The following ZKSCAN1 variants were observed in gnomAD, a reference collection of about 807,000 sequenced individuals.
The protein encoded by ZKSCAN1 is zinc finger with KRAB and SCAN domains 1, also known as zinc finger protein with KRAB and SCAN domains 1.
ZKSCAN1 carries 14 observed loss-of-function variants against 51.6 expected under a neutral mutation model. That is an observed-to-expected ratio of 0.27 (90% CI 0.18 to 0.42). The LOEUF is 0.42. Among genes scored for constraint, ZKSCAN1 ranks in the 10% least tolerant of loss-of-function variants. The pLI is 1.00. For missense variants in ZKSCAN1, 531 were observed against 710.0 expected (o/e 0.75, Z 2.86); for synonymous variants, 263 against 261.5 (o/e 1.01, Z -0.06).
chr7:100,028,537 C>A (rs1318209212), intron 3 of ZKSCAN1, among the ~76,000 whole-genome samples: 1 of 152,060 alleles, frequency 6.6e-6, no homozygotes. Flanking sequence ...GAAATAGGTA[C>A]AAGGTTTGGT....
At position 100,037,520 on chromosome 7, in the gene ZKSCAN1, A is replaced by G. The variant is rs1426841433; in HGVS notation, c.*3323A>G. ...ATAGACATCAGAGAATTTATTCCAG[A>G]AAGGAGCCTCCTGAATGTGATGAAT... On this transcript the variant is annotated 3_prime_UTR_variant, in exon 6 of 6. Transcript: ENST00000324306. 1 of 985,358 alleles carries G rather than the reference A, an allele frequency of 1.0e-6. No individual in the cohort carries two copies. Among genetic ancestry groups the G allele is most frequent in the Non-Finnish European group, 1.2e-6 (1 of 829,940 alleles). 61.0% of individuals were successfully genotyped at this position (985,358 alleles called of 1,614,324 possible).
At position 100,023,914 on chromosome 7, in the gene ZKSCAN1, T is replaced by C; in HGVS notation, c.408T>C (p.Leu136=). The stretch of plus-strand genomic sequence containing the variant: ...TGACCCTTCTAGAAGACTTGGAGCT[T>C]GATTTATCAGGACAACAGGTAAAAA... ...EAVTLLEDLE[L]DLSGQQVPGQ... is the part of the protein sequence containing the mutation. Residue 136 remains leucine, a synonymous_variant, in exon 2 of 6, where the codon CTT becomes CTC. Transcript: ENST00000324306. 6 of 1,594,784 alleles carry C rather than the reference T, an allele frequency of 3.8e-6. No homozygotes were observed. Among genetic ancestry groups the C allele is most frequent in the Non-Finnish European group, 5.1e-6 (6 of 1,173,858 alleles).
rs774585549 is a variant in ZKSCAN1, at chr7:100,023,850, G to C, written c.344G>C (p.Trp115Ser). Reference sequence around the variant, plus strand: ...ATCCTGCCCAAGGAGCTCCAGGTCTGGCTGCAGGAATACCGCCCCGATAGT... The same window carrying C: ...ATCCTGCCCAAGGAGCTCCAGGTCTCGCTGCAGGAATACCGCCCCGATAGT... ...LSILPKELQV[W>S]LQEYRPDSGE... The change falls in exon 2 of 6, where the codon TGG becomes TCG. Residue 115 changes from tryptophan (W) to serine (S), a missense_variant. Transcript: ENST00000324306. 1 of 1,614,006 alleles carries C rather than the reference G, an allele frequency of 6.2e-7. No individual in the cohort carries two copies. The highest frequency in any genetic ancestry group is 8.5e-7 in the Non-Finnish European group (1 of 1,180,038).
rs1791308533 is a variant in ZKSCAN1 at position 100,035,324 on chromosome 7, A to G, written c.*1127A>G. The G allele has an allele frequency of 6.6e-6, 1 of 152,238 alleles. No individual in the cohort carries two copies. The highest frequency in any genetic ancestry group is 1.5e-5 in the Non-Finnish European group (1 of 68,038). The allele number at this position is 152,238 out of a possible 1,614,324, so 9.4% of individuals were successfully genotyped here. On this transcript the variant is annotated 3_prime_UTR_variant, in exon 6 of 6. Transcript: ENST00000324306. ...CGAAAGGCACTAGTCAGCCGCCTGC[A>G]TAGACTTTCTAAACAGTGAGTAAAT...
intron 3 of ZKSCAN1, among the ~76,000 whole-genome samples, chr7:100,025,219 T>C (rs144814130): frequency 4.7e-4 from 71 of 151,692 alleles, no homozygotes; most frequent in African/African-American, 1.4e-3. Flanking sequence ...TCATGAATTA[T>C]CTTCAAAAGG....
In ZKSCAN1 at chr7:100,035,785, T is replaced by C; in HGVS notation, c.*1588T>C. The C allele has an allele frequency of 6.3e-6, 6 of 954,254 alleles. No individual in the cohort carries two copies. The highest frequency in any genetic ancestry group is 5.4e-4 in the Middle Eastern group (1 of 1,860). 59.1% of individuals were successfully genotyped at this position (954,254 alleles called of 1,614,324 possible). Reference sequence around the variant, plus strand: ...GGTTATGAAACTTTCATTGGTCCCATCGTTGTGCGCAGGGTGCAACTGGCT... The same window carrying C: ...GGTTATGAAACTTTCATTGGTCCCACCGTTGTGCGCAGGGTGCAACTGGCT... On this transcript the variant is annotated 3_prime_UTR_variant, in exon 6 of 6. Coordinates refer to ENST00000324306, the MANE Select transcript of ZKSCAN1 (RefSeq NM_003439.4).
rs1325667600 is a variant in ZKSCAN1 at position 100,040,293 on chromosome 7, T to G, written c.*6096T>G. 1.0e-6 allele frequency: 1 copy of G among 985,292 alleles called. No homozygotes were observed. Among genetic ancestry groups the G allele is most frequent in the Admixed American group, 6.2e-5 (1 of 16,250 alleles). The allele number at this position is 985,292 out of a possible 1,614,324, so 61.0% of individuals were successfully genotyped here. On this transcript the variant is annotated 3_prime_UTR_variant, in exon 6 of 6. Coordinates refer to ENST00000324306, the MANE Select transcript of ZKSCAN1 (RefSeq NM_003439.4). ...TTACCCTAAAACAGTGGAAGGAAAC[T>G]GGGTGTTTGGTAGACTTCTAAATCA...
chr7:100,018,155 T>TG (rs1461053376), intron 1 of ZKSCAN1, among the ~76,000 whole-genome samples: 2 of 152,068 alleles, frequency 1.3e-5, no homozygotes, highest in Non-Finnish European at 1.5e-5. Context: ...TAGTAAGGGG[T>TG]GGAGCAGCTT....
chr7:100,033,484 A>C lies in ZKSCAN1; in HGVS notation c.979A>C (p.Lys327Gln), dbSNP rs774938817. 7 of 1,614,028 alleles carry C rather than the reference A, an allele frequency of 4.3e-6. No individual in the cohort carries two copies. In the Admixed American group the frequency reaches 1.2e-4, roughly 27 times the overall value. The change falls in exon 6 of 6, where the codon AAA (lysine) becomes CAA (glutamine). Residue 327 changes from lysine to glutamine, a missense_variant. Physicochemically the swap from Lys to Gln is moderately conservative, Grantham distance 53 (BLOSUM62 1). This residue lies in a region of ZKSCAN1 where 403 missense variants were observed against 490.5 expected (regional missense o/e 0.82). Transcript: ENST00000324306. This position sits in a 1 kb window ranked among gnomAD's most constrained non-coding sequence, Gnocchi z 4.1. ...CCCTGAGGAGAAAACCAGGAAAGAG[A>C]AAAGAGATTCAGGGCCAGCTATAGG... Reference protein sequence around the residue: ...KNPEEKTRKEKRDSGPAIGKD... With the variant: ...KNPEEKTRKEQRDSGPAIGKD...
rs577199858 is a variant in ZKSCAN1, at chr7:100,040,238, C to A, written c.*6041C>A. On this transcript the variant is annotated 3_prime_UTR_variant, in exon 6 of 6. Transcript: ENST00000324306. ...CATGATGTGTGGTTCCATTTAATAG[C>A]GGACACCACCCCAATCTCATGTTTT... 1 of 985,322 alleles carries A rather than the reference C, an allele frequency of 1.0e-6. No homozygotes were observed. Among genetic ancestry groups the A allele is most frequent in the Non-Finnish European group, 1.2e-6 (1 of 829,906 alleles). 61.0% of individuals were successfully genotyped at this position (985,322 alleles called of 1,614,324 possible).
In ZKSCAN1 at chr7:100,037,480, C is replaced by T. The variant is rs3800955; in HGVS notation, c.*3283C>T. On this transcript the variant is annotated 3_prime_UTR_variant, in exon 6 of 6. Coordinates refer to ENST00000324306, the MANE Select transcript of ZKSCAN1 (RefSeq NM_003439.4). ...TGTATAGAGAGGTTGACGTGTGATA[C>T]GTGGGACAGTTCACATAGACATCAG... 767 of 985,430 alleles carry T rather than the reference C, an allele frequency of 7.8e-4. 22 individuals carry two copies. The East Asian group carries it at 0.056, about 72-fold the overall frequency. 61.0% of individuals were successfully genotyped at this position (985,430 alleles called of 1,614,324 possible).
At chr7:100,044,187 T>C (rs1158741432), downstream of ZKSCAN1, among the ~76,000 whole-genome samples, 1 of 152,162 alleles carries the variant, frequency 6.6e-6, no homozygotes, top group Non-Finnish European at 1.5e-5. Context: ...CCCTTCCCTC[T>C]GATGTTTCCT....
Position 100,039,669 on chromosome 7 carries a change from CTGTG to C in ZKSCAN1, c.*5476_*5479del, listed in dbSNP as rs1428858129. The C allele has an allele frequency of 1.0e-6, 1 of 985,314 alleles. No homozygotes were observed. The highest frequency in any genetic ancestry group is 1.1e-4 in the East Asian group (1 of 8,832). The allele number at this position is 985,314 out of a possible 1,614,324, so 61.0% of individuals were successfully genotyped here. ...TTCATCCTACCATCCTCATGGAAGACTGTGTGTATGAATTGGAGTAACAGAACTG... is the reference window on the plus strand; with the variant it reads ...TTCATCCTACCATCCTCATGGAAGACTGTATGAATTGGAGTAACAGAACTG... On this transcript the variant is annotated 3_prime_UTR_variant, in exon 6 of 6. Coordinates refer to ENST00000324306, the MANE Select transcript of ZKSCAN1 (RefSeq NM_003439.4).
downstream of ZKSCAN1, among the ~76,000 whole-genome samples, chr7:100,043,984 C>A (rs1312349499): frequency 6.6e-6 from 1 of 151,754 alleles, no homozygotes; most frequent in South Asian, 2.1e-4. Context: ...GCCATGTTGG[C>A]CAGGCTGGTC....
At chr7:100,018,620 C>T (rs1263431041) in intron 1 of ZKSCAN1, among the ~76,000 whole-genome samples, 1 of 152,130 alleles carries the variant, frequency 6.6e-6, no homozygotes, top group African/African-American at 2.4e-5. Context: ...ATCTCCTCAC[C>T]TCGTGATCCG....
chr7:100,023,605 G>A lies in ZKSCAN1; in HGVS notation c.99G>A (p.Glu33=). Residue 33 remains glutamate (E), a synonymous_variant, in exon 2 of 6, where the codon GAG becomes GAA. Coordinates refer to ENST00000324306, the MANE Select transcript of ZKSCAN1 (RefSeq NM_003439.4). ...IVIVKVEEED[E]EDHMWGQDST... is the part of the protein sequence containing the mutation. Reference sequence around the variant, plus strand: ...TAGTGAAGGTGGAAGAGGAAGATGAGGAAGACCACATGTGGGGGCAGGATT... The same window carrying A: ...TAGTGAAGGTGGAAGAGGAAGATGAAGAAGACCACATGTGGGGGCAGGATT... The A allele has an allele frequency of 6.2e-7, 1 of 1,613,966 alleles. No individual in the cohort carries two copies. Among genetic ancestry groups the A allele is most frequent in the South Asian group, 1.1e-5 (1 of 91,064 alleles).
At position 100,033,651 on chromosome 7, in the gene ZKSCAN1, T is replaced by C. The variant is rs1791215258; in HGVS notation, c.1146T>C (p.Cys382=). Residue 382 remains cysteine, a synonymous_variant, in exon 6 of 6, where the codon TGT becomes TGC. Transcript: ENST00000324306. The surrounding 1 kb of genome is among the most constrained non-coding windows in gnomAD (Gnocchi z 4.1). Reference sequence around the variant, plus strand: ...CAAAGTCTCACAGATGTGATGAATGTGGTAAATGCTTCACGAGAAGTTCAA... The same window carrying C: ...CAAAGTCTCACAGATGTGATGAATGCGGTAAATGCTTCACGAGAAGTTCAA... ...TGTKSHRCDE[C]GKCFTRSSSL... 2 of 1,614,190 alleles carry C rather than the reference T, an allele frequency of 1.2e-6. No homozygotes were observed. Among genetic ancestry groups the C allele is most frequent in the Non-Finnish European group, 1.7e-6 (2 of 1,180,032 alleles).
chr7:100,039,661 A>G lies in ZKSCAN1; in HGVS notation c.*5464A>G, dbSNP rs1195722825. ...TAACCAGGTTCATCCTACCATCCTC[A>G]TGGAAGACTGTGTGTATGAATTGGA... On this transcript the variant is annotated 3_prime_UTR_variant, in exon 6 of 6. Transcript: ENST00000324306. 4.1e-6 allele frequency: 4 copies of G among 985,414 alleles called. No homozygotes were observed. Among genetic ancestry groups the G allele is most frequent in the East Asian group, 1.1e-4 (1 of 8,818 alleles). 61.0% of individuals were successfully genotyped at this position (985,414 alleles called of 1,614,324 possible). A position where few individuals can be genotyped will look rare whatever the true frequency, so the allele number is the denominator to read the frequency against.
chr7:100,018,406 ATT>A (rs879710253), intron 1 of ZKSCAN1, among the ~76,000 whole-genome samples: 15 of 144,286 alleles, frequency 1.0e-4, no homozygotes, highest in East Asian at 1.0e-3. Flanking sequence ...ATCATGAGAA[ATT>A]TTTTTTTTTT....
Sources: allele counts gnomAD v4.1 joint callset (sites outside exome capture counted in the v4.1 genomes callset), GRCh38; gene constraint gnomAD v4.1.1; regional missense constraint gnomAD v4.1.1; non-coding constraint Gnocchi (gnomAD v3.1); transcripts MANE v1.5; gene names NCBI Gene and HGNC (gene_info 2026-07-23, HGNC 2026-07-21).